FNDC3B: variants seen among roughly 807,000 people sequenced by gnomAD.
FNDC3B encodes fibronectin type III domain containing 3B, also known as fibronectin type III domain-containing protein 3B.
A neutral mutation model predicts 151.5 loss-of-function variants in FNDC3B; 12 were observed. The ratio of observed to expected loss-of-function variants is 0.08; its 90% CI spans 0.05 to 0.13. FNDC3B has a LOEUF of 0.13. FNDC3B is among the 10% of genes least tolerant of loss of function. The pLI is 1.00. For missense variants in FNDC3B, 1,214 were observed against 1,505.3 expected, an observed-to-expected ratio of 0.81 and a Z score of 3.20; for synonymous variants, 528 against 549.0, an observed-to-expected ratio of 0.96 and a Z score of 0.54.
intron 3 of FNDC3B, among the ~76,000 whole-genome samples, chr3:172,206,846 T>C (rs776596490): frequency 6.6e-6 from 1 of 152,270 alleles, no homozygotes; most frequent in Non-Finnish European, 1.5e-5. Flanking sequence ...CAAGATGTTT[T>C]AGTATATTGG....
intron 25 of FNDC3B, among the ~76,000 whole-genome samples, chr3:172,384,606 C>T (rs1735614745): frequency 6.6e-6 from 1 of 152,126 alleles, no homozygotes; most frequent in African/African-American, 2.4e-5. Context: ...TTTTACGTGC[C>T]GTGCTTTTCC....
At chr3:172,367,105 G>T (rs1734666741) in intron 23 of FNDC3B, among the ~76,000 whole-genome samples, 1 of 152,150 alleles carries the variant, frequency 6.6e-6, no homozygotes, top group Non-Finnish European at 1.5e-5. Context: ...ACCCCCCTGG[G>T]ATAGGACATT....
At chr3:172,209,296 C>T (rs1027783081) in intron 3 of FNDC3B, among the ~76,000 whole-genome samples, 2 of 152,140 alleles carry the variant, frequency 1.3e-5, no homozygotes, top group Non-Finnish European at 1.5e-5. Flanking sequence ...CTTTAGCTGC[C>T]GCCCACAGCT....
At chr3:172,338,525 GT>G (rs1354246882) in intron 16 of FNDC3B, among the ~76,000 whole-genome samples, 5 of 152,012 alleles carry the variant, frequency 3.3e-5, no homozygotes, top group Admixed American at 3.3e-4. Context: ...TTTGCTTCAG[GT>G]TTTTGTTACT....
chr3:172,208,241 A>AT (rs1275987765), intron 3 of FNDC3B, among the ~76,000 whole-genome samples: 2 of 152,330 alleles, frequency 1.3e-5, no homozygotes, highest in East Asian at 3.9e-4. Context: ...GGAATCTGAC[A>AT]TTTTCCCCCA....
At chr3:172,267,080 A>G (rs1728957622) in intron 6 of FNDC3B, among the ~76,000 whole-genome samples, 2 of 152,202 alleles carry the variant, frequency 1.3e-5, no homozygotes, top group Non-Finnish European at 2.9e-5. Flanking sequence ...TGTCTCTACT[A>G]ACACAGGCCA....
At chr3:172,186,195 G>T (rs1254841620) in intron 3 of FNDC3B, among the ~76,000 whole-genome samples, 1 of 152,074 alleles carries the variant, frequency 6.6e-6, no homozygotes, top group Non-Finnish European at 1.5e-5. Flanking sequence ...TTTCTCTTAT[G>T]ATGCTCTGCC....
chr3:172,115,331 A>T (rs925384363), intron 2 of FNDC3B, among the ~76,000 whole-genome samples: 1 of 152,326 alleles, frequency 6.6e-6, no homozygotes, highest in East Asian at 1.9e-4. Flanking sequence ...GCAGAGAAAC[A>T]CAAGAGGATG....
At position 172,376,466 on chromosome 3, in the gene FNDC3B, A is replaced by G. The variant is rs529264361; in HGVS notation, c.3009-1804A>G. ...GCTTTATGGCAAATTTGTAATGAAG[A>G]TGTAACACTTTCACTACTTAAACCA... On this transcript the variant is annotated intron_variant, in intron 23 of 25. Coordinates refer to ENST00000415807, the MANE Select transcript of FNDC3B (RefSeq NM_022763.4). Among the ~76,000 whole-genome samples the G allele has an allele frequency of 3.3e-5, 5 of 152,362 alleles. No individual in the cohort carries two copies. In the East Asian group the frequency reaches 9.6e-4, roughly 29 times the overall value.
At chr3:172,128,663 A>G (rs778760298) in intron 2 of FNDC3B, among the ~76,000 whole-genome samples, 11 of 152,170 alleles carry the variant, frequency 7.2e-5, no homozygotes, top group Non-Finnish European at 1.6e-4. Context: ...GTCACTTTTG[A>G]AGTTATTAGG....
rs1451322093 is a variant in FNDC3B at position 172,329,759 on chromosome 3, C to A, written c.1379+683C>A. On this transcript the variant is annotated intron_variant, in intron 12 of 25. Coordinates refer to ENST00000415807, the MANE Select transcript of FNDC3B (RefSeq NM_022763.4). ...ACCCTCTTTCCAACCTAAAGAACCTCTTTTTAACATCACAAAGTTTTACAG... is the reference window on the plus strand; with the variant it reads ...ACCCTCTTTCCAACCTAAAGAACCTATTTTTAACATCACAAAGTTTTACAG... The A allele has an allele frequency of 2.0e-5, 3 of 152,178 alleles. No individual in the cohort carries two copies. The East Asian group carries it at 5.8e-4, about 29-fold the overall frequency. 9.4% of individuals were successfully genotyped at this position (152,178 alleles called of 1,614,324 possible).
At chr3:172,281,290 G>C (rs938768750) in intron 6 of FNDC3B, among the ~76,000 whole-genome samples, 1 of 151,038 alleles carries the variant, frequency 6.6e-6, no homozygotes, top group East Asian at 1.9e-4. Flanking sequence ...CTGTTGCCCA[G>C]GCTGGAGTGC....
At chr3:172,145,037 T>C (rs75491605) in intron 3 of FNDC3B, among the ~76,000 whole-genome samples, 6,164 of 152,076 alleles carry the variant, frequency 0.041, 438 homozygotes, top group African/African-American at 0.14. Flanking sequence ...AAAAGATTAT[T>C]TCCCCCCTAA....
intron 2 of FNDC3B, among the ~76,000 whole-genome samples, chr3:172,127,720 G>A (rs2108564621): frequency 6.6e-6 from 1 of 152,226 alleles, no homozygotes; most frequent in East Asian, 1.9e-4. Flanking sequence ...GTCTCACTGT[G>A]TTGCCCAGGC....
intron 3 of FNDC3B, among the ~76,000 whole-genome samples, chr3:172,141,571 C>G (rs1431571641): frequency 6.6e-6 from 1 of 152,214 alleles, no homozygotes; most frequent in Non-Finnish European, 1.5e-5. Context: ...CATAGTGGCT[C>G]ACGCCTGTAA....
At chr3:172,117,089 G>A (rs7634233) in intron 2 of FNDC3B, among the ~76,000 whole-genome samples, 2,883 of 152,124 alleles carry the variant, frequency 0.019, 99 homozygotes, top group African/African-American at 0.066. Context: ...ATATATAACC[G>A]TATATATAAC....
Position 172,217,239 on chromosome 3 carries a change from A to G in FNDC3B, c.188-9632A>G, listed in dbSNP as rs367546419. Among the ~76,000 whole-genome samples the G allele has an allele frequency of 3.3e-5, 5 of 152,238 alleles. No individual in the cohort carries two copies. The South Asian group carries it at 1.0e-3, about 31-fold the overall frequency. ...TCTAAAAACTGGAGTTGAAGGTTATATTACAAGCCTGTCTCCTGGTACCTG... is the reference window on the plus strand; with the variant it reads ...TCTAAAAACTGGAGTTGAAGGTTATGTTACAAGCCTGTCTCCTGGTACCTG... On this transcript the variant is annotated intron_variant, in intron 3 of 25. Coordinates refer to ENST00000415807, the MANE Select transcript of FNDC3B (RefSeq NM_022763.4).
At chr3:172,207,273 G>T (rs1725481440) in intron 3 of FNDC3B, among the ~76,000 whole-genome samples, 1 of 152,070 alleles carries the variant, frequency 6.6e-6, no homozygotes, top group Non-Finnish European at 1.5e-5. Context: ...TATTACTTTT[G>T]CCTGATACCT....
intron 1 of FNDC3B, among the ~76,000 whole-genome samples, chr3:172,060,273 T>A (rs545685589): frequency 6.6e-6 from 1 of 152,304 alleles, no homozygotes; most frequent in African/African-American, 2.4e-5. Context: ...TAGATTCTTT[T>A]AGATGTCAGT....
Sources: allele counts gnomAD v4.1 joint callset (sites outside exome capture counted in the v4.1 genomes callset), GRCh38; gene constraint gnomAD v4.1.1; transcripts MANE v1.5; gene names NCBI Gene and HGNC (gene_info 2026-07-23, HGNC 2026-07-21).